CACNA1A: variants seen among roughly 807,000 people sequenced by gnomAD.
CACNA1A encodes calcium voltage-gated channel subunit alpha1 A.
Under a neutral mutation model 262.4 loss-of-function variants are expected in CACNA1A, and 57 were observed. That is an observed-to-expected ratio of 0.22 (90% CI 0.18 to 0.27). The LOEUF (loss-of-function observed/expected upper bound fraction) is 0.27, where lower values mean the gene tolerates loss of function less well. Ranked by LOEUF, CACNA1A falls within the 10% of genes least tolerant of loss-of-function variation. CACNA1A has a pLI of 1.00. For synonymous variants in CACNA1A, 1,431 were observed against 1,419.3 expected, an observed-to-expected ratio of 1.01 and a Z score of -0.18; for missense variants, 2,526 against 3,562.8, an observed-to-expected ratio of 0.71 and a Z score of 7.41.
intron 2 of CACNA1A, among the ~76,000 whole-genome samples, chr19:13,454,137 G>A (rs2060963333): frequency 1.3e-5 from 2 of 151,768 alleles, no homozygotes; most frequent in Non-Finnish European, 1.5e-5. Context: ...CATGATTAGA[G>A]GTTTGGATTT....
chr19:13,402,567 T>C (rs2059914611), intron 3 of CACNA1A, among the ~76,000 whole-genome samples: 1 of 150,254 alleles, frequency 6.7e-6, no homozygotes, highest in Non-Finnish European at 1.5e-5. Flanking sequence ...AAAAAGAAAA[T>C]TAAGCAAATA....
chr19:13,369,297 T>C (rs1280101159), intron 4 of CACNA1A, among the ~76,000 whole-genome samples: 1 of 152,100 alleles, frequency 6.6e-6, no homozygotes, highest in East Asian at 1.9e-4. Flanking sequence ...TGACTGACTA[T>C]AGAAGTACAA....
chr19:13,290,665 G>C (rs1231535894), intron 19 of CACNA1A, among the ~76,000 whole-genome samples: 2 of 152,042 alleles, frequency 1.3e-5, no homozygotes, highest in Non-Finnish European at 2.9e-5. Context: ...CACCTGCCTT[G>C]GCCGCCCAAA....
intron 37 of CACNA1A, chr19:13,226,475 T>C (rs1488946212): frequency 2.0e-5 from 3 of 152,250 alleles, no homozygotes; most frequent in Admixed American, 2.0e-4. Flanking sequence ...GCAGGGAAGA[T>C]CAAGGTGGAT....
chr19:13,268,893 CTTTTTT>C (rs3050832), intron 24 of CACNA1A, among the ~76,000 whole-genome samples: 32,906 of 106,940 alleles, frequency 0.31, 3,599 homozygotes, highest in East Asian at 0.38. Context: ...ATAGATTCTA[CTTTTTT>C]TTTTTTTTTT....
intron 30 of CACNA1A, among the ~76,000 whole-genome samples, chr19:13,249,727 G>T (rs907718617): frequency 6.6e-6 from 1 of 152,132 alleles, no homozygotes; most frequent in African/African-American, 2.4e-5. Context: ...TAGTCCATTT[G>T]CTGTTTACCA....
At chr19:13,232,861 C>T (rs1242539571) in intron 34 of CACNA1A, among the ~76,000 whole-genome samples, 1 of 151,430 alleles carries the variant, frequency 6.6e-6, no homozygotes, top group Admixed American at 6.6e-5. Flanking sequence ...ACGGCCTGAC[C>T]AACATGGCAA....
chr19:13,389,054 C>T (rs188895242), intron 3 of CACNA1A, among the ~76,000 whole-genome samples: 148 of 152,222 alleles, frequency 9.7e-4, no homozygotes, highest in African/African-American at 3.5e-3. Flanking sequence ...AGGCACCCGC[C>T]ACCACGTCCA....
chr19:13,498,545 T>C (rs2145162107), intron 1 of CACNA1A, among the ~76,000 whole-genome samples: 1 of 152,204 alleles, frequency 6.6e-6, no homozygotes, highest in African/African-American at 2.4e-5. Context: ...ACAGGCACCT[T>C]TAAGGAAGAC....
At chr19:13,265,750 T>C (rs1384564828) in intron 24 of CACNA1A, among the ~76,000 whole-genome samples, 3 of 152,182 alleles carry the variant, frequency 2.0e-5, no homozygotes, top group Non-Finnish European at 4.4e-5. Flanking sequence ...TAGATGCTAA[T>C]AGGCCTTTAA....
intron 15 of CACNA1A, among the ~76,000 whole-genome samples, chr19:13,304,834 T>A (rs990336411): frequency 1.7e-4 from 26 of 152,268 alleles, no homozygotes; most frequent in East Asian, 5.8e-4. Context: ...TCCAGAACTA[T>A]GAGAGAATAA....
chr19:13,274,630 T>C (rs1568484151), intron 24 of CACNA1A: 1 of 152,272 alleles, frequency 6.6e-6, no homozygotes, highest in Non-Finnish European at 1.5e-5. Context: ...AATGTACTGC[T>C]AAGTCTGCTA....
intron 3 of CACNA1A, among the ~76,000 whole-genome samples, chr19:13,383,972 A>T (rs78923357): frequency 0.012 from 1,854 of 152,132 alleles, 36 homozygotes; most frequent in African/African-American, 0.041. Context: ...GCATTACCCT[A>T]TCCAGCTAAT....
chr19:13,499,447 T>TGGGGGGG (rs200317630), intron 1 of CACNA1A, among the ~76,000 whole-genome samples: 1 of 87,678 alleles, frequency 1.1e-5, no homozygotes, highest in Non-Finnish European at 2.2e-5. Context: ...TCGCAGGGGG[T>TGGGGGGG]GGTGGGGGGG....
rs373153825 is a variant in CACNA1A at position 13,268,535 on chromosome 19, G to A, written c.3990-5702C>T. 1.3e-4 allele frequency among the ~76,000 whole-genome samples: 19 copies of A among 151,088 alleles called. No individual in the cohort carries two copies. In the East Asian group the frequency reaches 2.9e-3, roughly 23 times the overall value. ...TGCAAGCTCCGCCTCCCAGGTTCAC[G>A]CCATTCTCCTTCCTCAGCCTCCCGA... On this transcript the variant is annotated intron_variant, in intron 24 of 46. Transcript: ENST00000360228.
chr19:13,210,925 A>G, intron 43 of CACNA1A: 1 of 552,150 alleles, frequency 1.8e-6, no homozygotes. Context: ...CAAATGGCAG[A>G]GGCATGGGAC....
chr19:13,262,441 G>A (rs2056755581), intron 25 of CACNA1A: 2 of 315,430 alleles, frequency 6.3e-6, no homozygotes, highest in Non-Finnish European at 5.9e-6. Flanking sequence ...CCAGATCACG[G>A]TTATACCCTT....
At position 13,308,438 on chromosome 19, in the gene CACNA1A, A is replaced by G. The variant is rs1600293206; in HGVS notation, c.1759T>C (p.Leu587=). 20 of 1,613,162 alleles carry G rather than the reference A, an allele frequency of 1.2e-5. No homozygotes were observed. The highest frequency in any genetic ancestry group is 3.3e-5 in the Admixed American group (2 of 59,954). ...GISVLRALRL[L]RIFKVTKYWA... ...TACTTTGTGACTTTGAAAATACGCAATAACCTGAGGGCTCGTAACACGCTG... is the reference window on the plus strand; with the variant it reads ...TACTTTGTGACTTTGAAAATACGCAGTAACCTGAGGGCTCGTAACACGCTG... Residue 587 remains leucine (L), a synonymous_variant, in exon 13 of 47, where the codon TTG becomes CTG. Transcript: ENST00000360228. This position sits in a 1 kb window ranked among gnomAD's most constrained non-coding sequence, Gnocchi z 4.2.
At chr19:13,413,299 G>A (rs554462663) in intron 3 of CACNA1A, among the ~76,000 whole-genome samples, 2 of 151,348 alleles carry the variant, frequency 1.3e-5, no homozygotes, top group African/African-American at 2.4e-5. Flanking sequence ...GTAGAGATGG[G>A]GTTTCACTGT....
Sources: gnomAD v4.1 joint callset for allele counts (sites outside exome capture counted in the v4.1 genomes callset) on GRCh38, gnomAD v4.1.1 for gene constraint, Gnocchi (gnomAD v3.1) non-coding constraint, MANE v1.5 for transcripts, NCBI Gene and HGNC (gene_info 2026-07-23, HGNC 2026-07-21) for gene names.